Variants in CCDC97 observed in about 807,000 individuals in gnomAD.
CCDC97 encodes the protein coiled-coil domain containing 97.
A neutral mutation model predicts 33.9 loss-of-function variants in CCDC97; 27 were observed. That is an observed-to-expected ratio of 0.80 (90% CI 0.59 to 1.10). CCDC97 has a LOEUF of 1.10. CCDC97 is among the 50% of genes least tolerant of loss of function. The probability of loss-of-function intolerance (pLI) is 0.00; values close to 1 mark genes in which losing one functional copy is unlikely to be tolerated. For synonymous variants in CCDC97, 217 were observed against 194.0 expected (o/e 1.12, Z -0.99); for missense variants, 422 against 476.6 (o/e 0.89, Z 1.07).
rs1381921853 is a variant in CCDC97 at position 41,322,904 on chromosome 19, T to G, written c.*189T>G. ...ACCCCCACTGTTTCTGGGGTTCCCTTTCTCATCTCTCCCACCCTGTCTCCT... is the reference window on the plus strand; with the variant it reads ...ACCCCCACTGTTTCTGGGGTTCCCTGTCTCATCTCTCCCACCCTGTCTCCT... On this transcript the variant is annotated 3_prime_UTR_variant, in exon 5 of 5. Coordinates refer to ENST00000269967, the MANE Select transcript of CCDC97 (RefSeq NM_052848.3). 4 of 503,042 alleles carry G rather than the reference T, an allele frequency of 8.0e-6. No homozygotes were observed. The highest frequency in any genetic ancestry group is 1.4e-5 in the Non-Finnish European group (4 of 293,328). The allele number at this position is 503,042 out of a possible 1,614,324, so 31.2% of individuals were successfully genotyped here.
chr19:41,324,173 G>A lies in CCDC97; in HGVS notation c.*1458G>A, dbSNP rs2037858267. The A allele has an allele frequency of 6.6e-6, 1 of 152,382 alleles. No individual in the cohort carries two copies. The highest frequency in any genetic ancestry group is 2.1e-4 in the South Asian group (1 of 4,830). The allele number at this position is 152,382 out of a possible 1,614,324, so 9.4% of individuals were successfully genotyped here. ...GATGGAGGCAGACAAGATGCTCAGA[G>A]CGACTATTAAAGAACGAAAGCCTCT... On this transcript the variant is annotated 3_prime_UTR_variant, in exon 5 of 5. Coordinates refer to ENST00000269967, the MANE Select transcript of CCDC97 (RefSeq NM_052848.3).
chr19:41,316,465 C>A lies in CCDC97; in HGVS notation c.128C>A (p.Ala43Glu). 1 of 1,614,218 alleles carries A rather than the reference C, an allele frequency of 6.2e-7. No homozygotes were observed. The highest frequency in any genetic ancestry group is 1.1e-5 in the South Asian group (1 of 91,078). Residue 43 changes from alanine to glutamate, a missense_variant, in exon 2 of 5, where the codon GCA (alanine) becomes GAA (glutamate). Transcript: ENST00000269967. ...VPSKPQDKVE[A>E]AEATPVALDS... is the part of the protein sequence containing the mutation. Reference sequence around the variant, plus strand: ...TCTAAACCCCAGGACAAAGTGGAAGCAGCTGAGGCAACACCAGTGGCCCTG... The same window carrying A: ...TCTAAACCCCAGGACAAAGTGGAAGAAGCTGAGGCAACACCAGTGGCCCTG...
chr19:41,312,223 A>G (rs1349210806), intron 1 of CCDC97, among the ~76,000 whole-genome samples: 1 of 152,160 alleles, frequency 6.6e-6, no homozygotes, highest in Non-Finnish European at 1.5e-5. Flanking sequence ...AGCTGGGATC[A>G]CAGGTGCCCG....
chr19:41,310,746 A>G (rs2037674081), intron 1 of CCDC97: 1 of 1,047,828 alleles, frequency 9.5e-7, no homozygotes, highest in Non-Finnish European at 1.2e-6. Context: ...CTCTAGACGA[A>G]TCCTCCTACC....
chr19:41,322,585 C>T lies in CCDC97; in HGVS notation c.912-10C>T. 1 of 1,612,052 alleles carries T rather than the reference C, an allele frequency of 6.2e-7. No individual in the cohort carries two copies. Among genetic ancestry groups the T allele is most frequent in the Non-Finnish European group, 8.5e-7 (1 of 1,178,762 alleles). ...GAGACCCAGTCCTTGACAGCCTCCT[C>T]CTCCTGCAGCACAGTAGACGACAAC... On this transcript the variant is annotated splice_polypyrimidine_tract_variant and intron_variant, in intron 4 of 4. Transcript: ENST00000269967.
rs755554109 is a variant in CCDC97, at chr19:41,320,404, G to A, written c.845G>A (p.Arg282Gln). 8.1e-6 allele frequency: 13 copies of A among 1,614,010 alleles called. No individual in the cohort carries two copies. The highest frequency in any genetic ancestry group is 3.3e-5 in the South Asian group (3 of 91,078). The part of the protein sequence containing the change: ...VPDSEERLIL[R>Q]EEFTSRMHQR... ...GACTCGGAGGAGAGGCTGATCCTGC[G>A]AGAGGAGTTCACCAGCCGCATGCAC... Residue 282 changes from arginine to glutamine, a missense_variant, in exon 4 of 5, where the codon CGA (arginine) becomes CAA (glutamine). Coordinates refer to ENST00000269967, the MANE Select transcript of CCDC97 (RefSeq NM_052848.3).
Position 41,316,544 on chromosome 19 carries a change from T to C in CCDC97, c.207T>C (p.Ala69=). ...CAGCAGTGAGTGCTATGCTGCACGC[T>C]GTAGCCGCCAGCCGCCTGCCTGTTT... ...ENAAVSAMLH[A]VAASRLPVCS... The change falls in exon 2 of 5, where the codon GCT becomes GCC. Residue 69 remains alanine, a synonymous_variant. Coordinates refer to ENST00000269967, the MANE Select transcript of CCDC97 (RefSeq NM_052848.3). The C allele has an allele frequency of 2.5e-6, 4 of 1,614,234 alleles. No homozygotes were observed. The highest frequency in any genetic ancestry group is 3.4e-6 in the Non-Finnish European group (4 of 1,180,034).
intron 3 of CCDC97, 37 bp from the exon 4 acceptor site, chr19:41,320,304 C>T (rs1568470295): frequency 6.2e-7 from 1 of 1,611,408 alleles, no homozygotes; most frequent in East Asian, 2.2e-5. Flanking sequence ...TGCCCGAGTG[C>T]ACCCGCATTC....
In CCDC97 at chr19:41,321,639, A is replaced by C. The variant is rs73552775; in HGVS notation, c.912-956A>C. On this transcript the variant is annotated intron_variant, in intron 4 of 4. Coordinates refer to ENST00000269967, the MANE Select transcript of CCDC97 (RefSeq NM_052848.3). ...CCATGAGGAAAAGTGAAGCAGTGGGAGGGGAGTGACAGGGTGGCTAGGGAA... is the reference window on the plus strand; with the variant it reads ...CCATGAGGAAAAGTGAAGCAGTGGGCGGGGAGTGACAGGGTGGCTAGGGAA... Among the ~76,000 whole-genome samples, 1,407 of 152,236 alleles carry C rather than the reference A, an allele frequency of 9.2e-3. 23 individuals carry two copies. Among genetic ancestry groups the C allele is most frequent in the African/African-American group, 0.027 (1,142 of 41,546 alleles).
chr19:41,315,536 G>A (rs2037735514), intron 1 of CCDC97, among the ~76,000 whole-genome samples: 1 of 151,492 alleles, frequency 6.6e-6, no homozygotes, highest in Admixed American at 6.6e-5. Context: ...CTTGAACCCA[G>A]GAGGCGGCAG....
chr19:41,320,246 G>GA (rs2037806048), intron 3 of CCDC97, 95 bp from the exon 4 acceptor site: 1 of 1,529,654 alleles, frequency 6.5e-7, no homozygotes, highest in African/African-American at 1.4e-5. Flanking sequence ...CCCAGCGCAA[G>GA]GCTGGGCACA....
chr19:41,316,023 G>A (rs1201704365), intron 1 of CCDC97, among the ~76,000 whole-genome samples: 4 of 151,584 alleles, frequency 2.6e-5, no homozygotes, highest in African/African-American at 7.3e-5. Context: ...AAGCCCAGGC[G>A]GTCAAGGCTG....
chr19:41,318,242 A>G (rs888641769), intron 2 of CCDC97, among the ~76,000 whole-genome samples: 1 of 152,018 alleles, frequency 6.6e-6, no homozygotes, highest in Non-Finnish European at 1.5e-5. Flanking sequence ...TGAGATAAGG[A>G]GTTCAAGACC....
chr19:41,310,373 G>T lies in CCDC97; in HGVS notation c.46+17G>T, dbSNP rs753796144. 6.3e-7 allele frequency: 1 copy of T among 1,599,588 alleles called. No individual in the cohort carries two copies. Among genetic ancestry groups the T allele is most frequent in the South Asian group, 1.1e-5 (1 of 88,744 alleles). On this transcript the variant is annotated intron_variant, in intron 1 of 4. Transcript: ENST00000269967. ...CCGATAAGGGTGAGATCTTGGTCACGCGCAGGCGGCGGGTGGGTGCGGTTG... is the reference window on the plus strand; with the variant it reads ...CCGATAAGGGTGAGATCTTGGTCACTCGCAGGCGGCGGGTGGGTGCGGTTG...
Position 41,320,321 on chromosome 19 carries a change from C to G in CCDC97, c.782-20C>G, listed in dbSNP as rs550561402. 6.2e-7 allele frequency: 1 copy of G among 1,613,150 alleles called. No homozygotes were observed. Among genetic ancestry groups the G allele is most frequent in the Non-Finnish European group, 8.5e-7 (1 of 1,179,892 alleles). ...CCCGAGTGCACCCGCATTCACACCC[C>G]CTCTCCTCTCCCTCTGCAGACCAGA... On this transcript the variant is annotated intron_variant, in intron 3 of 4. Transcript: ENST00000269967.
At position 41,316,421 on chromosome 19, in the gene CCDC97, G is replaced by A. The variant is rs2037746439; in HGVS notation, c.84G>A (p.Leu28=). The change falls in exon 2 of 5, where the codon CTG becomes CTA. Residue 28 remains leucine (L), a synonymous_variant. Coordinates refer to ENST00000269967, the MANE Select transcript of CCDC97 (RefSeq NM_052848.3). ...IEPGPGHWGE[L]SRTPVPSKPQ... is the part of the protein sequence containing the mutation. ...CTGGACCTGGGCACTGGGGTGAGCT[G>A]AGCCGGACACCAGTCCCATCTAAAC... The A allele has an allele frequency of 6.2e-7, 1 of 1,613,812 alleles. No individual in the cohort carries two copies. Among genetic ancestry groups the A allele is most frequent in the African/African-American group, 1.3e-5 (1 of 74,920 alleles).
rs1419295355 is a variant in CCDC97 at position 41,323,634 on chromosome 19, T to G, written c.*919T>G. 1 of 154,196 alleles carries G rather than the reference T, an allele frequency of 6.5e-6. No homozygotes were observed. Among genetic ancestry groups the G allele is most frequent in the Non-Finnish European group, 1.4e-5 (1 of 69,274 alleles). 9.6% of individuals were successfully genotyped at this position (154,196 alleles called of 1,614,324 possible). On this transcript the variant is annotated 3_prime_UTR_variant, in exon 5 of 5. Transcript: ENST00000269967. ...CCCTTCTCAGCCCCACCAGCCCCCC[T>G]CTGCCCAACCACAATTTTCCCTTCC... is the stretch of plus-strand genomic sequence containing the variant.
intron 1 of CCDC97, among the ~76,000 whole-genome samples, chr19:41,314,538 T>A (rs1200122385): frequency 6.6e-6 from 1 of 152,260 alleles, no homozygotes; most frequent in Admixed American, 6.5e-5. Flanking sequence ...ATTAACGATT[T>A]AAAGAATTGA....
At chr19:41,322,150 G>A (rs568851372) in intron 4 of CCDC97, among the ~76,000 whole-genome samples, 3 of 152,192 alleles carry the variant, frequency 2.0e-5, no homozygotes, top group Non-Finnish European at 4.4e-5. Flanking sequence ...CTGGAATGTG[G>A]TGGTTTGATC....
Sources: allele counts gnomAD v4.1 joint callset (sites outside exome capture counted in the v4.1 genomes callset), GRCh38; gene constraint gnomAD v4.1.1; transcripts MANE v1.5; gene names NCBI Gene and HGNC (gene_info 2026-07-23, HGNC 2026-07-21).